The following PHACTR3 variants were observed in gnomAD, a reference collection of about 807,000 sequenced individuals.
PHACTR3 encodes the protein phosphatase and actin regulator 3, also known as protein phosphatase 1, regulatory subunit 123.
Under a neutral mutation model 66.8 loss-of-function variants are expected in PHACTR3, and 16 were observed. The observed-to-expected ratio is 0.24, with a 90% confidence interval of 0.16 to 0.36. PHACTR3 has a LOEUF of 0.36. Among genes scored for constraint, PHACTR3 ranks in the 10% least tolerant of loss-of-function variants. The pLI is 1.00. For synonymous variants in PHACTR3, 323 were observed against 292.1 expected, an observed-to-expected ratio of 1.11 and a Z score of -1.08; for missense variants, 647 against 719.9, an observed-to-expected ratio of 0.90 and a Z score of 1.16.
rs147476075 is a variant in PHACTR3 at position 59,774,591 on chromosome 20, G to A, written c.1174+101G>A. 321 of 1,465,400 alleles carry A rather than the reference G, an allele frequency of 2.2e-4. 2 individuals are homozygous for A. The African/African-American group carries it at 4.0e-3, about 18-fold the overall frequency. The allele number at this position is 1,465,400 out of a possible 1,614,324, so 90.8% of individuals were successfully genotyped here. A position where few individuals can be genotyped will look rare whatever the true frequency, so the allele number is the denominator to read the frequency against. On this transcript the variant is annotated intron_variant, in intron 7 of 12. Transcript: ENST00000371015. ...CTCGTGCCTGGGGGAGGAACAGGTC[G>A]AGGGGCTGCACCTGGGGAGAAACAA...
At chr20:59,586,293 G>C (rs2033025586) in intron 1 of PHACTR3, among the ~76,000 whole-genome samples, 1 of 152,170 alleles carries the variant, frequency 6.6e-6, no homozygotes, top group Non-Finnish European at 1.5e-5. Flanking sequence ...TCTAATATAA[G>C]CTAAGGACTG....
At chr20:59,681,206 A>G (rs1211372952) in intron 1 of PHACTR3, among the ~76,000 whole-genome samples, 1 of 152,218 alleles carries the variant, frequency 6.6e-6, no homozygotes, top group African/African-American at 2.4e-5. Context: ...CCTGTTGCAG[A>G]AAAAATTTGC....
intron 1 of PHACTR3, among the ~76,000 whole-genome samples, chr20:59,580,352 TC>T (rs1229728879): frequency 2.0e-5 from 3 of 152,128 alleles, no homozygotes; most frequent in Admixed American, 6.5e-5. Context: ...GGAGGATCTG[TC>T]CAGCTGCCAC....
intron 8 of PHACTR3, 87 bp from the exon 9 acceptor site, chr20:59,836,418 C>G: frequency 7.5e-7 from 1 of 1,331,154 alleles, no homozygotes; most frequent in South Asian, 1.4e-5. Context: ...TAGGGGTTTG[C>G]CAGCCACCTC....
chr20:59,690,103 A>G (rs1457349376), intron 1 of PHACTR3, among the ~76,000 whole-genome samples: 1 of 152,154 alleles, frequency 6.6e-6, no homozygotes, highest in Non-Finnish European at 1.5e-5. Flanking sequence ...AAATCAAAAC[A>G]AAACAAAACA....
chr20:59,717,663 G>A (rs572897370), intron 1 of PHACTR3, among the ~76,000 whole-genome samples: 191 of 152,210 alleles, frequency 1.3e-3, no homozygotes, highest in African/African-American at 4.4e-3. Flanking sequence ...TGGTGCTGGC[G>A]TAAACCATGA....
At chr20:59,642,122 G>A (rs1034222321) in intron 1 of PHACTR3, among the ~76,000 whole-genome samples, 1 of 152,108 alleles carries the variant, frequency 6.6e-6, no homozygotes, top group Non-Finnish European at 1.5e-5. Flanking sequence ...TGTAGAGAAG[G>A]CAGCCTTTCT....
intron 1 of PHACTR3, among the ~76,000 whole-genome samples, chr20:59,673,412 C>T (rs913716484): frequency 6.6e-6 from 1 of 152,212 alleles, no homozygotes; most frequent in Admixed American, 6.5e-5. Flanking sequence ...TCCTGATGGC[C>T]GAGCAATGTG....
chr20:59,747,844 G>C lies in PHACTR3; in HGVS notation c.358+9G>C. The C allele has an allele frequency of 6.2e-7, 1 of 1,613,250 alleles. No homozygotes were observed. The highest frequency in any genetic ancestry group is 8.5e-7 in the Non-Finnish European group (1 of 1,179,506). ...GGAGATGATGGAGCAGGGTAAGTGG[G>C]ACCCGTCCCTGGCTTGGAAGGGCAC... On this transcript the variant is annotated intron_variant, in intron 3 of 12. Coordinates refer to ENST00000371015, the MANE Select transcript of PHACTR3 (RefSeq NM_080672.5).
At chr20:59,617,231 C>T (rs2034058917) in intron 1 of PHACTR3, among the ~76,000 whole-genome samples, 2 of 152,110 alleles carry the variant, frequency 1.3e-5, no homozygotes, top group Non-Finnish European at 2.9e-5. Flanking sequence ...CTCCTCATAC[C>T]TATTCCCATG....
chr20:59,577,821 A>C (rs2032756750), intron 1 of PHACTR3, among the ~76,000 whole-genome samples: 1 of 152,142 alleles, frequency 6.6e-6, no homozygotes, highest in African/African-American at 2.4e-5. Flanking sequence ...CAGCAAAGTC[A>C]CCAGAGTCTC....
chr20:59,624,682 A>G (rs1018215137), intron 1 of PHACTR3, among the ~76,000 whole-genome samples: 6 of 152,266 alleles, frequency 3.9e-5, no homozygotes, highest in African/African-American at 1.4e-4. Context: ...GGGCCTACCC[A>G]AGGAACATAT....
At chr20:59,800,807 GA>G (rs757503388) in intron 7 of PHACTR3, among the ~76,000 whole-genome samples, 2 of 152,170 alleles carry the variant, frequency 1.3e-5, no homozygotes, top group Non-Finnish European at 2.9e-5. Context: ...TAAGTTACTT[GA>G]AAATAGTCTA....
In PHACTR3 at chr20:59,604,776, C is replaced by G; in HGVS notation, c.-239C>G. The G allele has an allele frequency of 6.7e-6, 8 of 1,191,304 alleles. No homozygotes were observed. The highest frequency in any genetic ancestry group is 8.3e-6 in the Non-Finnish European group (8 of 964,692). The allele number at this position is 1,191,304 out of a possible 1,614,324, so 73.8% of individuals were successfully genotyped here. A position where few individuals can be genotyped will look rare whatever the true frequency, so the allele number is the denominator to read the frequency against. On this transcript the variant is annotated 5_prime_UTR_variant, in exon 1 of 13. Coordinates refer to ENST00000371015, the MANE Select transcript of PHACTR3 (RefSeq NM_080672.5). ...ACACGAATAAATAACAAAGCGAGGC[C>G]GCGCACGCCGGGATGCGCCTGGCTG...
intron 1 of PHACTR3, among the ~76,000 whole-genome samples, chr20:59,740,472 A>T (rs1439061505): frequency 6.6e-6 from 1 of 151,214 alleles, no homozygotes; most frequent in African/African-American, 2.4e-5. Flanking sequence ...ATTTCCAAAA[A>T]TTTTTTTGTA....
chr20:59,578,861 C>T (rs1311492621), intron 1 of PHACTR3, among the ~76,000 whole-genome samples: 1 of 152,202 alleles, frequency 6.6e-6, no homozygotes, highest in Non-Finnish European at 1.5e-5. Flanking sequence ...AAGCTGAGCT[C>T]AGGCACAGAG....
At chr20:59,580,768 G>C (rs886532183) in intron 1 of PHACTR3, among the ~76,000 whole-genome samples, 9 of 152,202 alleles carry the variant, frequency 5.9e-5, no homozygotes, top group African/African-American at 2.2e-4. Context: ...TGAAGACCCA[G>C]ATTGGGTCTG....
At chr20:59,664,146 G>A (rs2035910331) in intron 1 of PHACTR3, among the ~76,000 whole-genome samples, 1 of 152,170 alleles carries the variant, frequency 6.6e-6, no homozygotes, top group Non-Finnish European at 1.5e-5. Context: ...AGATGGATAA[G>A]TAATTAACAA....
At chr20:59,832,232 G>A (rs546395607) in intron 8 of PHACTR3, among the ~76,000 whole-genome samples, 17 of 151,768 alleles carry the variant, frequency 1.1e-4, no homozygotes, top group African/African-American at 2.2e-4. Flanking sequence ...CAAGGGTCTC[G>A]CCTGTAATGT....
Sources: allele counts gnomAD v4.1 joint callset (sites outside exome capture counted in the v4.1 genomes callset), GRCh38; gene constraint gnomAD v4.1.1; transcripts MANE v1.5; gene names NCBI Gene and HGNC (gene_info 2026-07-23, HGNC 2026-07-21).